EXT1: variants seen among roughly 807,000 people sequenced by gnomAD.
EXT1 encodes exostosin glycosyltransferase 1, also known as exostosin-1.
In EXT1, 20 loss-of-function variants were observed where a neutral mutation model predicts 82.5. That is an observed-to-expected ratio of 0.24 (90% CI 0.17 to 0.35). The LOEUF (loss-of-function observed/expected upper bound fraction) is 0.35. Among genes scored for constraint, EXT1 ranks in the 10% least tolerant of loss-of-function variants. EXT1 has a pLI of 1.00. For missense variants in EXT1, 757 were observed against 936.5 expected (o/e 0.81, Z 2.50); for synonymous variants, 348 against 350.8 (o/e 0.99, Z 0.09).
At chr8:118,076,699 T>C (rs1817218736) in intron 1 of EXT1, among the ~76,000 whole-genome samples, 1 of 152,314 alleles carries the variant, frequency 6.6e-6, no homozygotes, top group East Asian at 1.9e-4. Context: ...GTCTGCCGAG[T>C]GAATATTTGA....
At chr8:117,938,394 A>G (rs983851706) in intron 1 of EXT1, among the ~76,000 whole-genome samples, 5 of 152,128 alleles carry the variant, frequency 3.3e-5, no homozygotes, top group Non-Finnish European at 7.4e-5. Flanking sequence ...GCCAGGAGGT[A>G]AAGGTTGCGG....
intron 1 of EXT1, among the ~76,000 whole-genome samples, chr8:117,984,449 C>CAAAAA (rs368857333): frequency 4.6e-5 from 6 of 130,956 alleles, no homozygotes; most frequent in South Asian, 2.4e-4. Context: ...CAAAACAAAA[C>CAAAAA]AAAAAAAAAA....
At chr8:117,898,111 T>C (rs995754359) in intron 1 of EXT1, among the ~76,000 whole-genome samples, 116 of 152,306 alleles carry the variant, frequency 7.6e-4, no homozygotes, top group African/African-American at 2.6e-3. Context: ...GACCCCAAAG[T>C]GTATACTCTT....
At chr8:117,837,342 T>C in intron 1 of EXT1, 141 bp from the exon 2 acceptor site, 1 of 721,786 alleles carries the variant, frequency 1.4e-6, no homozygotes, top group Non-Finnish European at 2.5e-6. Context: ...ACTTTTCCAT[T>C]TTGAGGAAGG....
At chr8:118,035,030 T>C (rs1001924728) in intron 1 of EXT1, among the ~76,000 whole-genome samples, 1 of 152,168 alleles carries the variant, frequency 6.6e-6, no homozygotes, top group Admixed American at 6.6e-5. Flanking sequence ...TTTCTGACAA[T>C]ATATTAAGCA....
At chr8:117,799,939 G>A (rs762976368) in intron 10 of EXT1, 42 bp from the exon 11 acceptor site, 7 of 1,600,020 alleles carry the variant, frequency 4.4e-6, no homozygotes, top group African/African-American at 1.3e-5. Flanking sequence ...TGAGAGAAGT[G>A]CAAGGTGAGA....
chr8:118,022,083 A>G (rs534846713), intron 1 of EXT1, among the ~76,000 whole-genome samples: 4 of 152,246 alleles, frequency 2.6e-5, no homozygotes, highest in African/African-American at 9.6e-5. Context: ...GGTCATACAT[A>G]AGCATTTTCC....
At chr8:117,893,926 C>G (rs1813292075) in intron 1 of EXT1, among the ~76,000 whole-genome samples, 1 of 152,194 alleles carries the variant, frequency 6.6e-6, no homozygotes, top group African/African-American at 2.4e-5. Context: ...TCATCTCTCA[C>G]CATTCCCCAG....
intron 1 of EXT1, among the ~76,000 whole-genome samples, chr8:118,106,841 T>C (rs925828058): frequency 6.6e-6 from 1 of 152,214 alleles, no homozygotes; most frequent in Non-Finnish European, 1.5e-5. Context: ...TTGTTTTAGC[T>C]GGCATTATCC....
In EXT1 at chr8:117,795,139, G is replaced by A. The variant is rs1823071866; in HGVS notation, c.*4573C>T. Reference sequence around the variant, plus strand: ...TAGCCTGACTTGATTTTAAACAAGGGTGAGACTGTGCTATCCTGAGGGCTC... The same window carrying A: ...TAGCCTGACTTGATTTTAAACAAGGATGAGACTGTGCTATCCTGAGGGCTC... On this transcript the variant is annotated 3_prime_UTR_variant, in exon 11 of 11. Coordinates refer to ENST00000378204, the MANE Select transcript of EXT1 (RefSeq NM_000127.3). 1 of 152,194 alleles carries A rather than the reference G, an allele frequency of 6.6e-6. No individual in the cohort carries two copies. Among genetic ancestry groups the A allele is most frequent in the Admixed American group, 6.5e-5 (1 of 15,284 alleles). 9.4% of individuals were successfully genotyped at this position (152,194 alleles called of 1,614,324 possible). A position where few individuals can be genotyped will look rare whatever the true frequency, so the allele number is the denominator to read the frequency against.
At chr8:118,097,582 T>A (rs533634600) in intron 1 of EXT1, among the ~76,000 whole-genome samples, 19 of 152,328 alleles carry the variant, frequency 1.2e-4, no homozygotes, top group African/African-American at 4.3e-4. Flanking sequence ...CCCACTGCCT[T>A]AACCCACTTC....
chr8:117,819,852 T>A, intron 5 of EXT1, 58 bp from the exon 6 acceptor site: 2 of 1,490,210 alleles, frequency 1.3e-6, no homozygotes, highest in Admixed American at 3.4e-5. Flanking sequence ...ACTTAGAAAA[T>A]TACTCCTCCT....
chr8:117,802,586 G>A (rs1358508883), intron 10 of EXT1, among the ~76,000 whole-genome samples: 1 of 152,134 alleles, frequency 6.6e-6, no homozygotes, highest in Non-Finnish European at 1.5e-5. Flanking sequence ...TACCATATAG[G>A]GCTGTGTAAG....
chr8:117,853,715 G>A (rs1049484735), intron 1 of EXT1, among the ~76,000 whole-genome samples: 2 of 152,130 alleles, frequency 1.3e-5, no homozygotes, highest in African/African-American at 4.8e-5. Flanking sequence ...TTATTTATAA[G>A]CCCCTTTCCT....
In EXT1 at chr8:117,819,786, G is replaced by T. The variant is rs751005275; in HGVS notation, c.1426C>A (p.Pro476Thr). ...PYYYANLGLK[P>T]PSKFTAVIHA... ...ATGACTGCAGTGAATTTGGAGGGGGGCTTTAAACCTGAAATAAAAAGGAGA... is the reference window on the plus strand; with the variant it reads ...ATGACTGCAGTGAATTTGGAGGGGGTCTTTAAACCTGAAATAAAAAGGAGA... The change falls in exon 6 of 11, where the codon CCC becomes ACC. Residue 476 changes from proline to threonine, a missense_variant. Physicochemically the swap from Pro to Thr is conservative, Grantham distance 38. This residue lies in a region of EXT1 where 207 missense variants were observed against 224.2 expected (regional missense o/e 0.92). Coordinates refer to ENST00000378204, the MANE Select transcript of EXT1 (RefSeq NM_000127.3). The T allele has an allele frequency of 1.2e-6, 2 of 1,613,166 alleles. No individual in the cohort carries two copies. The highest frequency in any genetic ancestry group is 1.7e-6 in the Non-Finnish European group (2 of 1,179,708).
intron 1 of EXT1, among the ~76,000 whole-genome samples, chr8:117,919,465 C>T (rs1471134716): frequency 1.3e-5 from 2 of 151,688 alleles, no homozygotes; most frequent in Admixed American, 6.6e-5. Context: ...GCAGGAATTA[C>T]AGCCATGAGC....
Position 117,964,552 on chromosome 8 carries a change from AC to A in EXT1, c.963-127352del, listed in dbSNP as rs553291858. ...AAGAGCACCTTAAAATTTTCCAACA[AC>A]CTCCATTTGGGAGGAATGTGAATTT... On this transcript the variant is annotated intron_variant, in intron 1 of 10. Transcript: ENST00000378204. Among the ~76,000 whole-genome samples, 20 of 151,384 alleles carry A rather than the reference AC, an allele frequency of 1.3e-4. No individual in the cohort carries two copies. The South Asian group carries it at 2.3e-3, about 17-fold the overall frequency.
At chr8:118,099,203 G>C (rs1817673903) in intron 1 of EXT1, among the ~76,000 whole-genome samples, 1 of 152,222 alleles carries the variant, frequency 6.6e-6, no homozygotes, top group Admixed American at 6.5e-5. Flanking sequence ...ATTCATTCCT[G>C]AGGAGGGTGT....
At chr8:117,966,116 AAAATAT>A (rs1423666269) in intron 1 of EXT1, among the ~76,000 whole-genome samples, 9 of 152,204 alleles carry the variant, frequency 5.9e-5, no homozygotes, top group African/African-American at 2.2e-4. Flanking sequence ...CCCAAAAGTA[AAAATAT>A]AATAATCCAA....
Sources: allele counts gnomAD v4.1 joint callset (sites outside exome capture counted in the v4.1 genomes callset), GRCh38; gene constraint gnomAD v4.1.1; regional missense constraint gnomAD v4.1.1; transcripts MANE v1.5; gene names NCBI Gene and HGNC (gene_info 2026-07-23, HGNC 2026-07-21).